SUGCT: variants seen among roughly 807,000 people sequenced by gnomAD.
SUGCT encodes the protein succinyl-CoA:glutarate-CoA transferase, also known as succinyl-CoA:glutarate CoA-transferase.
A neutral mutation model predicts 55.0 loss-of-function variants in SUGCT; 41 were observed. That is an observed-to-expected ratio of 0.74 (90% CI 0.58 to 0.97). The LOEUF is 0.97. Ranked by LOEUF, SUGCT falls within the 50% of genes least tolerant of loss-of-function variation. The pLI is 0.00. For synonymous variants in SUGCT, 187 were observed against 200.4 expected, an observed-to-expected ratio of 0.93 and a Z score of 0.56; for missense variants, 568 against 547.8, an observed-to-expected ratio of 1.04 and a Z score of -0.37.
chr7:40,338,541 G>A (rs1044188180), intron 9 of SUGCT, among the ~76,000 whole-genome samples: 48 of 152,048 alleles, frequency 3.2e-4, no homozygotes, highest in African/African-American at 1.1e-3. Context: ...GGATCGAATC[G>A]GCTGCTGAAG....
At chr7:40,523,878 A>G (rs1002009523) in intron 12 of SUGCT, among the ~76,000 whole-genome samples, 1 of 152,062 alleles carries the variant, frequency 6.6e-6, no homozygotes, top group Non-Finnish European at 1.5e-5. Context: ...TAGTAGGCCA[A>G]ATTTTCTCTC....
At chr7:40,354,390 T>C (rs1344059442) in intron 9 of SUGCT, among the ~76,000 whole-genome samples, 1 of 152,006 alleles carries the variant, frequency 6.6e-6, no homozygotes, top group Non-Finnish European at 1.5e-5. Context: ...AAGAAGGAAA[T>C]GTACTTCCTG....
intron 13 of SUGCT, among the ~76,000 whole-genome samples, chr7:40,815,246 TG>T (rs1791609071): frequency 6.6e-6 from 1 of 152,190 alleles, no homozygotes. Context: ...ATGGCAGGCA[TG>T]AGCACCAGTG....
At chr7:40,894,074 T>C in the SUGCT span, among the ~76,000 whole-genome samples, 1 of 141,946 alleles carries the variant, frequency 7.0e-6, no homozygotes, top group Admixed American at 7.2e-5. Flanking sequence ...AAAAAAAAGC[T>C]ATACTACAAG....
chr7:40,798,036 G>A (rs1790632825), intron 13 of SUGCT, among the ~76,000 whole-genome samples: 1 of 152,088 alleles, frequency 6.6e-6, no homozygotes, highest in African/African-American at 2.4e-5. Flanking sequence ...TGCCCACCAG[G>A]AGATCTCCAA....
chr7:40,985,059 G>A, the SUGCT span, among the ~76,000 whole-genome samples: 6 of 152,172 alleles, frequency 3.9e-5, no homozygotes, highest in Non-Finnish European at 7.3e-5. Flanking sequence ...GTCTATTCAA[G>A]TAATAACCCT....
the SUGCT span, among the ~76,000 whole-genome samples, chr7:41,024,058 G>C: frequency 2.6e-5 from 4 of 152,186 alleles, no homozygotes; most frequent in Non-Finnish European, 5.9e-5. Flanking sequence ...CAACATGCAT[G>C]TATGTGAACT....
At position 40,709,127 on chromosome 7, in the gene SUGCT, G is replaced by A. The variant is rs76148287; in HGVS notation, c.1090-40307G>A. Among the ~76,000 whole-genome samples, 504 of 152,266 alleles carry A rather than the reference G, an allele frequency of 3.3e-3. 9 individuals carry two copies. In the East Asian group the frequency reaches 0.049, roughly 15 times the overall value. Reference sequence around the variant, plus strand: ...GACATAAATTTTAGAAGAGTCACTAGGGATCATGTGATCCACCAGTTTTCA... The same window carrying A: ...GACATAAATTTTAGAAGAGTCACTAAGGATCATGTGATCCACCAGTTTTCA... On this transcript the variant is annotated intron_variant, in intron 12 of 13. Transcript: ENST00000335693.
intron 8 of SUGCT, among the ~76,000 whole-genome samples, chr7:40,275,972 A>G (rs1296650639): frequency 6.6e-6 from 1 of 152,214 alleles, no homozygotes; most frequent in Non-Finnish European, 1.5e-5. Flanking sequence ...GGGAAAAACT[A>G]CTTTCTAGAC....
At chr7:40,676,056 G>T in intron 12 of SUGCT, among the ~76,000 whole-genome samples, 1 of 152,244 alleles carries the variant, frequency 6.6e-6, no homozygotes. Context: ...TAATTGATTA[G>T]ATTTGGATGG....
At chr7:40,952,283 G>GT in the SUGCT span, among the ~76,000 whole-genome samples, 1 of 151,796 alleles carries the variant, frequency 6.6e-6, no homozygotes, top group Admixed American at 6.6e-5. Context: ...AACCCCTGCC[G>GT]TTTTTTATTT....
chr7:40,461,210 G>C (rs929455867), intron 11 of SUGCT, among the ~76,000 whole-genome samples: 1 of 152,208 alleles, frequency 6.6e-6, no homozygotes, highest in East Asian at 1.9e-4. Context: ...AATATCACTG[G>C]AATCATTAGT....
chr7:40,548,488 G>A (rs1795130852), intron 12 of SUGCT, among the ~76,000 whole-genome samples: 1 of 151,902 alleles, frequency 6.6e-6, no homozygotes, highest in Non-Finnish European at 1.5e-5. Flanking sequence ...ATGAACTATG[G>A]CACCCAACTT....
At chr7:40,563,216 A>G (rs1795937497) in intron 12 of SUGCT, among the ~76,000 whole-genome samples, 1 of 152,144 alleles carries the variant, frequency 6.6e-6, no homozygotes, top group African/African-American at 2.4e-5. Context: ...TTATTCTGTC[A>G]TGTCGTTCCA....
chr7:40,720,453 T>C lies in SUGCT; in HGVS notation c.1090-28981T>C, dbSNP rs190040493. 1.0e-3 allele frequency among the ~76,000 whole-genome samples: 157 copies of C among 152,314 alleles called. No individual in the cohort carries two copies. In the South Asian group the frequency reaches 0.016, roughly 15 times the overall value. ...ATTTGAACAGTTTTAGAATGAAGCA[T>C]GAGAATACAAAGACATTTTATTCAT... On this transcript the variant is annotated intron_variant, in intron 12 of 13. Transcript: ENST00000335693.
At chr7:40,636,960 C>G (rs1800048032) in intron 12 of SUGCT, among the ~76,000 whole-genome samples, 1 of 152,124 alleles carries the variant, frequency 6.6e-6, no homozygotes, top group African/African-American at 2.4e-5. Context: ...GGAAATATTA[C>G]TAGTGAAAGG....
chr7:40,929,331 C>CACTTGG, the SUGCT span, among the ~76,000 whole-genome samples: 2 of 152,192 alleles, frequency 1.3e-5, no homozygotes, highest in Admixed American at 1.3e-4. Context: ...CATTGATAGG[C>CACTTGG]ACTTGGGTTG....
At chr7:40,722,700 A>G (rs566033342) in intron 12 of SUGCT, among the ~76,000 whole-genome samples, 1 of 152,282 alleles carries the variant, frequency 6.6e-6, no homozygotes, top group South Asian at 2.1e-4. Context: ...TGGGAAATAC[A>G]TTTTAATATA....
chr7:40,385,839 T>C (rs1387652962), intron 9 of SUGCT, among the ~76,000 whole-genome samples: 1 of 152,236 alleles, frequency 6.6e-6, no homozygotes, highest in Non-Finnish European at 1.5e-5. Context: ...ACGTTTCTTA[T>C]AAAACCAATA....
Sources: allele counts gnomAD v4.1 joint callset (sites outside exome capture counted in the v4.1 genomes callset), GRCh38; gene constraint gnomAD v4.1.1; transcripts MANE v1.5; gene names NCBI Gene and HGNC (gene_info 2026-07-23, HGNC 2026-07-21).